The following LGSN variants were observed in gnomAD, a reference collection of about 807,000 sequenced individuals.
LGSN encodes lengsin.
LGSN carries 21 observed loss-of-function variants against 19.5 expected under a neutral mutation model. The ratio of observed to expected loss-of-function variants is 1.07; its 90% CI spans 0.76 to 1.55. The LOEUF (loss-of-function observed/expected upper bound fraction) is 1.55. LGSN is among the 40% of genes most tolerant of loss of function. LGSN has a pLI of 0.00. For synonymous variants in LGSN, 257 were observed against 215.6 expected, an observed-to-expected ratio of 1.19 and a Z score of -1.68; for missense variants, 673 against 608.5, an observed-to-expected ratio of 1.11 and a Z score of -1.12.
At chr6:63,497,918 C>CTTTTTTTTTTTTT in the LGSN span, among the ~76,000 whole-genome samples, 29 of 121,872 alleles carry the variant, frequency 2.4e-4, no homozygotes, top group African/African-American at 4.1e-4. Flanking sequence ...TGTCATGTTT[C>CTTTTTTTTTTTTT]TTTTTTTTTT....
At chr6:63,351,650 G>T in the LGSN span, among the ~76,000 whole-genome samples, 1 of 152,050 alleles carries the variant, frequency 6.6e-6, no homozygotes, top group East Asian at 1.9e-4. Context: ...TAGAGACGGG[G>T]TCTTCCTATG....
chr6:63,346,608 A>T, the LGSN span, among the ~76,000 whole-genome samples: 11 of 152,028 alleles, frequency 7.2e-5, no homozygotes, highest in Non-Finnish European at 1.2e-4. Flanking sequence ...AAATGATTTA[A>T]CCTAAGGAGG....
chr6:63,511,986 C>T, the LGSN span, among the ~76,000 whole-genome samples: 5 of 152,178 alleles, frequency 3.3e-5, no homozygotes, highest in Admixed American at 1.3e-4. Context: ...TGTAAGGATA[C>T]TTATTTTACT....
At chr6:63,430,535 T>C in the LGSN span, among the ~76,000 whole-genome samples, 1 of 152,050 alleles carries the variant, frequency 6.6e-6, no homozygotes, top group Non-Finnish European at 1.5e-5. Context: ...ATTACAGGCA[T>C]GCACCACCAC....
the LGSN span, among the ~76,000 whole-genome samples, chr6:63,534,594 T>A: frequency 6.6e-6 from 1 of 151,868 alleles, no homozygotes; most frequent in Admixed American, 6.6e-5. Context: ...GCTAGAGAAT[T>A]GCTTGAGCCC....
At chr6:63,418,294 G>A in the LGSN span, among the ~76,000 whole-genome samples, 1 of 152,172 alleles carries the variant, frequency 6.6e-6, no homozygotes, top group African/African-American at 2.4e-5. Flanking sequence ...CAGGTGCGGT[G>A]GCTCACACCT....
At chr6:63,375,565 G>A in the LGSN span, among the ~76,000 whole-genome samples, 4 of 152,064 alleles carry the variant, frequency 2.6e-5, no homozygotes, top group Non-Finnish European at 5.9e-5. Context: ...TTATTTATGT[G>A]GATATGTATA....
At chr6:63,384,534 T>TGA in the LGSN span, among the ~76,000 whole-genome samples, 1 of 149,748 alleles carries the variant, frequency 6.7e-6, no homozygotes. Flanking sequence ...TGTGTGTGTG[T>TGA]GTGATGGAGT....
At chr6:63,491,564 T>G in the LGSN span, among the ~76,000 whole-genome samples, 1 of 152,204 alleles carries the variant, frequency 6.6e-6, no homozygotes, top group South Asian at 2.1e-4. Flanking sequence ...GAAATATGAA[T>G]GGGCAGAAGA....
the LGSN span, among the ~76,000 whole-genome samples, chr6:63,367,997 G>A: frequency 4.6e-5 from 7 of 151,612 alleles, no homozygotes; most frequent in Admixed American, 3.9e-4. Context: ...TGTAAATGAC[G>A]AGTTAAGGGG....
chr6:63,465,402 G>A, the LGSN span, among the ~76,000 whole-genome samples: 2 of 151,988 alleles, frequency 1.3e-5, no homozygotes, highest in Admixed American at 6.6e-5. Flanking sequence ...GGCTGGTCTC[G>A]AACTCCTGAC....
chr6:63,479,336 G>A, the LGSN span, among the ~76,000 whole-genome samples: 4 of 151,844 alleles, frequency 2.6e-5, no homozygotes, highest in South Asian at 8.3e-4. Context: ...CTGGCCTATC[G>A]ATGAAAATAT....
At chr6:63,533,905 G>A in the LGSN span, among the ~76,000 whole-genome samples, 1 of 152,024 alleles carries the variant, frequency 6.6e-6, no homozygotes, top group African/African-American at 2.4e-5. Flanking sequence ...GTTCAGTGGT[G>A]TGATCTCGGC....
the LGSN span, chr6:63,481,770 T>C: frequency 3.6e-6 from 1 of 280,178 alleles, no homozygotes; most frequent in Non-Finnish European, 7.0e-6. Context: ...TTTTAAAACT[T>C]CAAAGATCAT....
At chr6:63,290,780 A>T (rs1428973179) in intron 2 of LGSN, among the ~76,000 whole-genome samples, 1 of 152,258 alleles carries the variant, frequency 6.6e-6, no homozygotes, top group Non-Finnish European at 1.5e-5. Context: ...AGCTATAAAC[A>T]ATTTGTAAAC....
At chr6:63,497,906 T>TTTGTCA in the LGSN span, among the ~76,000 whole-genome samples, 1 of 143,278 alleles carries the variant, frequency 7.0e-6, no homozygotes, top group Non-Finnish European at 1.5e-5. Flanking sequence ...GTTCTATAGA[T>TTTGTCA]TTGTCATGTT....
At chr6:63,367,343 C>G in the LGSN span, among the ~76,000 whole-genome samples, 3 of 152,122 alleles carry the variant, frequency 2.0e-5, no homozygotes, top group African/African-American at 7.2e-5. Flanking sequence ...TGAAAAAATG[C>G]TCATCATTAC....
chr6:63,379,702 T>C, the LGSN span, among the ~76,000 whole-genome samples: 5 of 152,202 alleles, frequency 3.3e-5, no homozygotes, highest in Admixed American at 3.3e-4. Flanking sequence ...TCTTAGTTCA[T>C]GCATTCAACT....
chr6:63,538,439 T>C, the LGSN span, among the ~76,000 whole-genome samples: 1 of 152,238 alleles, frequency 6.6e-6, no homozygotes, highest in East Asian at 1.9e-4. Context: ...TATTCTGTGT[T>C]TTAAAACATA....
Sources: gnomAD v4.1 joint callset for allele counts (sites outside exome capture counted in the v4.1 genomes callset) on GRCh38, gnomAD v4.1.1 for gene constraint, MANE v1.5 for transcripts, NCBI Gene and HGNC (gene_info 2026-07-23, HGNC 2026-07-21) for gene names.